The following ZFHX3 variants were observed in gnomAD, a reference collection of about 807,000 sequenced individuals.
ZFHX3 encodes zinc finger homeobox 3.
Under a neutral mutation model 279.1 loss-of-function variants are expected in ZFHX3, and 42 were observed. The observed-to-expected ratio is 0.15, with a 90% CI of 0.12 to 0.19. The LOEUF (loss-of-function observed/expected upper bound fraction) is 0.19, where lower values mean the gene tolerates loss of function less well. ZFHX3 is among the 10% of genes least tolerant of loss of function. The probability of loss-of-function intolerance (pLI) is 1.00; values close to 1 mark genes in which losing one functional copy is unlikely to be tolerated. For synonymous variants in ZFHX3, 2,293 were observed against 1,957.8 expected (o/e 1.17, Z -4.52); for missense variants, 4,981 against 4,754.0 (o/e 1.05, Z -1.40).
rs1454751620 is a variant in ZFHX3 at position 72,794,335 on chromosome 16, C to T, written c.8347G>A (p.Val2783Ile). Reference sequence around the variant, plus strand: ...GTTTTACTCACAGGTGAGAGGGGGACACCCTGACCATCACTACTGCTTGGG... The same window carrying T: ...GTTTTACTCACAGGTGAGAGGGGGATACCCTGACCATCACTACTGCTTGGG... The part of the protein sequence containing the change: ...LPPSSSDGQG[V>I]PLSPVSKTME... Residue 2783 changes from valine to isoleucine, a missense_variant, in exon 9 of 10, where the codon GTC becomes ATC. By Grantham distance (29) the Val-to-Ile change is conservative. Around this residue, in one of 7 missense-constraint regions of ZFHX3, gnomAD observed 744 missense variants for 701.3 expected, o/e 1.06. Transcript: ENST00000268489. The surrounding 1 kb of genome is among the most constrained non-coding windows in gnomAD (Gnocchi z 4.2). 2 of 1,604,048 alleles carry T rather than the reference C, an allele frequency of 1.2e-6. No homozygotes were observed. Among genetic ancestry groups the T allele is most frequent in the Non-Finnish European group, 1.7e-6 (2 of 1,174,732 alleles).
At chr16:72,840,033 A>G (rs919888376) in intron 4 of ZFHX3, among the ~76,000 whole-genome samples, 2 of 152,220 alleles carry the variant, frequency 1.3e-5, no homozygotes, top group African/African-American at 4.8e-5. Flanking sequence ...AGTAAATTAA[A>G]AAATTTAACA....
intron 4 of ZFHX3, among the ~76,000 whole-genome samples, chr16:73,293,027 T>C (rs1484323494): frequency 6.6e-6 from 1 of 152,166 alleles, no homozygotes; most frequent in Non-Finnish European, 1.5e-5. Context: ...TTGTCCTAAC[T>C]GCCTTGAAAC....
chr16:73,365,023 C>T (rs1345335104), intron 3 of ZFHX3, among the ~76,000 whole-genome samples: 1 of 152,086 alleles, frequency 6.6e-6, no homozygotes, highest in African/African-American at 2.4e-5. Context: ...ATCTGGGGTG[C>T]CCTGTGGCGC....
At chr16:73,329,490 T>A (rs1328383802) in intron 3 of ZFHX3, among the ~76,000 whole-genome samples, 1 of 152,266 alleles carries the variant, frequency 6.6e-6, no homozygotes, top group South Asian at 2.1e-4. Context: ...CAGATCCTCA[T>A]TGGCATGCCA....
chr16:73,400,100 G>T (rs953842466), intron 3 of ZFHX3: 3 of 151,456 alleles, frequency 2.0e-5, no homozygotes, highest in African/African-American at 7.3e-5. Flanking sequence ...AATCACCAAG[G>T]TTATCCCACC....
At chr16:72,990,992 T>C (rs1215141332) in intron 1 of ZFHX3, among the ~76,000 whole-genome samples, 9 of 134,726 alleles carry the variant, frequency 6.7e-5, no homozygotes, top group Non-Finnish European at 1.6e-5. Context: ...AAAATAAAAT[T>C]AAAAAAAAAA....
At position 72,874,198 on chromosome 16, in the gene ZFHX3, A is replaced by ATTTTTTTTT. The variant is rs565664402; in HGVS notation, c.3448+15524_3448+15532dup. Among the ~76,000 whole-genome samples the ATTTTTTTTT allele has an allele frequency of 1.2e-3, 118 of 95,134 alleles. 16 individuals are homozygous for ATTTTTTTTT. Among genetic ancestry groups the ATTTTTTTTT allele is most frequent in the African/African-American group, 5.0e-3 (106 of 21,234 alleles). 62.4% of individuals were successfully genotyped at this position (95,134 alleles called of 152,430 possible). On this transcript the variant is annotated intron_variant, in intron 4 of 9. Coordinates refer to ENST00000268489, the MANE Select transcript of ZFHX3 (RefSeq NM_006885.4). ...TGGAGCTCAGATGGAGGATTTTTTG[A>ATTTTTTTTT]TTTTTTTTTTTTTTTTTTTTTTTTT...
Position 72,787,422 on chromosome 16 carries a change from C to T in ZFHX3, c.10854G>A (p.Pro3618=), listed in dbSNP as rs369621660. Residue 3618 remains proline, a synonymous_variant, in exon 10 of 10, where the codon CCG becomes CCA. Transcript: ENST00000268489. ...ASPHASRKSW[P]QVVSRASAAK... ...CTGCCGAAGCCCGGGAGACCACTTG[C>T]GGCCAAGACTTCCTGGAGGCGTGGG... 6 of 1,580,596 alleles carry T rather than the reference C, an allele frequency of 3.8e-6. No homozygotes were observed. Among genetic ancestry groups the T allele is most frequent in the South Asian group, 3.4e-5 (3 of 89,152 alleles).
At chr16:73,881,949 A>T (rs2030181120) in intron 1 of ZFHX3, among the ~76,000 whole-genome samples, 1 of 152,066 alleles carries the variant, frequency 6.6e-6, no homozygotes, top group Non-Finnish European at 1.5e-5. Context: ...TCTGTGCAGA[A>T]AACGCTCGTG....
At chr16:73,348,182 T>C (rs919396497) in intron 3 of ZFHX3, among the ~76,000 whole-genome samples, 1 of 152,186 alleles carries the variant, frequency 6.6e-6, no homozygotes, top group Admixed American at 6.5e-5. Context: ...ACGGTTTATT[T>C]TTCTGCTGGC....
chr16:73,363,150 G>A (rs1333867030), intron 3 of ZFHX3, among the ~76,000 whole-genome samples: 1 of 152,216 alleles, frequency 6.6e-6, no homozygotes, highest in East Asian at 1.9e-4. Flanking sequence ...TGGTCAGCCA[G>A]TCCCCAGCCA....
intron 5 of ZFHX3, among the ~76,000 whole-genome samples, chr16:73,148,141 A>G (rs1966876173): frequency 6.6e-6 from 1 of 152,220 alleles, no homozygotes; most frequent in Non-Finnish European, 1.5e-5. Flanking sequence ...TGTATTGTCT[A>G]TGATTCTTTC....
chr16:72,811,984 C>T lies in ZFHX3; in HGVS notation c.3584G>A (p.Arg1195His), dbSNP rs756387925. Residue 1195 changes from arginine (R) to histidine (H), a missense_variant, in exon 6 of 10, where the codon CGC (arginine) becomes CAC (histidine). Transcript: ENST00000268489. ...ELTDSPATSK[R>H]ISFPGSSESP... Reference sequence around the variant, plus strand: ...CTCTGAGCTACCTGGGAAGGAGATGCGTTTGGAGGTTGCAGGAGAATCTGT... The same window carrying T: ...CTCTGAGCTACCTGGGAAGGAGATGTGTTTGGAGGTTGCAGGAGAATCTGT... The T allele has an allele frequency of 1.7e-5, 28 of 1,613,988 alleles. No homozygotes were observed. The highest frequency in any genetic ancestry group is 8.3e-5 in the Admixed American group (5 of 59,988).
chr16:73,664,831 A>C (rs1185355409), intron 2 of ZFHX3, among the ~76,000 whole-genome samples: 1 of 152,234 alleles, frequency 6.6e-6, no homozygotes, highest in Non-Finnish European at 1.5e-5. Context: ...AGTAATTATA[A>C]AGGACAATAA....
chr16:73,731,703 G>A (rs988410088), intron 1 of ZFHX3, among the ~76,000 whole-genome samples: 2 of 152,090 alleles, frequency 1.3e-5, no homozygotes, highest in Admixed American at 6.6e-5. Flanking sequence ...AGAAGTGACA[G>A]GCTACAATAA....
At chr16:73,188,963 A>G (rs1299988621) in intron 5 of ZFHX3, among the ~76,000 whole-genome samples, 1 of 151,130 alleles carries the variant, frequency 6.6e-6, no homozygotes, top group Non-Finnish European at 1.5e-5. Flanking sequence ...TCCTGGGTTC[A>G]AGCGATTCTC....
At position 72,957,514 on chromosome 16, in the gene ZFHX3, C is replaced by T. The variant is rs2144432620; in HGVS notation, c.2632G>A (p.Asp878Asn). The change falls in exon 2 of 10, where the codon GAC becomes AAC. Residue 878 changes from aspartate (D) to asparagine (N), a missense_variant. Physicochemically the swap from Asp to Asn is conservative, Grantham distance 23 (BLOSUM62 1). This residue lies in a region of ZFHX3 where 1,751 missense variants were observed against 1,770.0 expected (regional missense o/e 0.99). Transcript: ENST00000268489. ...QNMNLPNLKM[D>N]SAASDAQFMM... ...AACTGGGCGTCCGAGGCAGCACTGT[C>T]CATCTTCAGGTTGGGCAGGTTCATG... The T allele has an allele frequency of 6.2e-7, 1 of 1,614,184 alleles. No homozygotes were observed. The highest frequency in any genetic ancestry group is 8.5e-7 in the Non-Finnish European group (1 of 1,180,038).
intron 2 of ZFHX3, chr16:73,504,664 C>T (rs904458637): frequency 4.6e-5 from 7 of 152,338 alleles, no homozygotes; most frequent in African/African-American, 1.7e-4. Context: ...CAGCCAATCG[C>T]CTGGGTCTGC....
At chr16:73,289,150 G>T (rs1414552397) in intron 4 of ZFHX3, among the ~76,000 whole-genome samples, 2 of 151,524 alleles carry the variant, frequency 1.3e-5, no homozygotes, top group East Asian at 2.0e-4. Flanking sequence ...TCCTCCAATC[G>T]CTGGCCTGTT....
Sources: allele counts gnomAD v4.1 joint callset (sites outside exome capture counted in the v4.1 genomes callset), GRCh38; gene constraint gnomAD v4.1.1; regional missense constraint gnomAD v4.1.1; non-coding constraint Gnocchi (gnomAD v3.1); transcripts MANE v1.5; gene names NCBI Gene and HGNC (gene_info 2026-07-23, HGNC 2026-07-21).